The following SLC25A18 variants were observed in gnomAD, a reference collection of about 807,000 sequenced individuals.
SLC25A18 encodes the protein mitochondrial glutamate carrier 2.
In SLC25A18, 24 loss-of-function variants were observed where a neutral mutation model predicts 31.1. The observed-to-expected ratio is 0.77, with a 90% CI of 0.56 to 1.08. The LOEUF is 1.08. Ranked by LOEUF, SLC25A18 falls within the 50% of genes least tolerant of loss-of-function variation. The probability of loss-of-function intolerance (pLI) is 0.00; values close to 1 mark genes in which losing one functional copy is unlikely to be tolerated. For missense variants in SLC25A18, 371 were observed against 418.5 expected, an observed-to-expected ratio of 0.89 and a Z score of 0.99; for synonymous variants, 173 against 161.9, an observed-to-expected ratio of 1.07 and a Z score of -0.52.
intron 1 of SLC25A18, among the ~76,000 whole-genome samples, chr22:17,566,416 C>CTTT (rs756780407): frequency 2.0e-5 from 3 of 147,226 alleles, no homozygotes; most frequent in Admixed American, 2.0e-4. Context: ...CTGTCATTTT[C>CTTT]TTTTTTTTTT....
At chr22:17,582,443 C>T in intron 5 of SLC25A18, 120 bp from the exon 6 acceptor site, 1 of 662,490 alleles carries the variant, frequency 1.5e-6, no homozygotes, top group Admixed American at 3.2e-5. Flanking sequence ...CTCAGGAGCC[C>T]CACCTGGCCC....
At chr22:17,566,359 A>G (rs1416120516) in intron 1 of SLC25A18, among the ~76,000 whole-genome samples, 1 of 150,930 alleles carries the variant, frequency 6.6e-6, no homozygotes, top group Non-Finnish European at 1.5e-5. Context: ...CAAGCCCTGT[A>G]TAATCTTCAC....
chr22:17,582,930 C>A (rs745373275), intron 6 of SLC25A18, among the ~76,000 whole-genome samples: 2 of 152,174 alleles, frequency 1.3e-5, no homozygotes, highest in Non-Finnish European at 2.9e-5. Flanking sequence ...AGCCACCAAG[C>A]TGGCTGCAGT....
intron 1 of SLC25A18, among the ~76,000 whole-genome samples, chr22:17,568,401 A>C (rs545374389): frequency 1.3e-5 from 2 of 151,434 alleles, no homozygotes; most frequent in South Asian, 4.2e-4. Context: ...GAATAAAGGA[A>C]GGAGGAAGGA....
At chr22:17,571,137 C>G (rs1026477852) in intron 2 of SLC25A18, among the ~76,000 whole-genome samples, 2 of 152,198 alleles carry the variant, frequency 1.3e-5, no homozygotes, top group African/African-American at 4.8e-5. Flanking sequence ...GGGAGCCTGT[C>G]CCGAGAGCCG....
chr22:17,572,807 A>C (rs2057131725), intron 2 of SLC25A18, among the ~76,000 whole-genome samples: 1 of 150,256 alleles, frequency 6.7e-6, no homozygotes, highest in South Asian at 2.1e-4. Context: ...ACGCCCGGCT[A>C]ATTTTTTGTA....
At position 17,579,833 on chromosome 22, in the gene SLC25A18, T is replaced by A. The variant is rs1250472291; in HGVS notation, c.-112T>A. 5.3e-6 allele frequency: 8 copies of A among 1,507,456 alleles called. No homozygotes were observed. In the South Asian group the frequency reaches 1.0e-4, roughly 20 times the overall value. 93.4% of individuals were successfully genotyped at this position (1,507,456 alleles called of 1,614,324 possible). On this transcript the variant is annotated 5_prime_UTR_variant, in exon 3 of 11. Coordinates refer to ENST00000327451, the MANE Select transcript of SLC25A18 (RefSeq NM_031481.3). Reference sequence around the variant, plus strand: ...CTCAAAACCCGTGCTCTGTCCACACTGCTACGGGGCCAGAGCCAAGGAAGC... The same window carrying A: ...CTCAAAACCCGTGCTCTGTCCACACAGCTACGGGGCCAGAGCCAAGGAAGC...
chr22:17,574,610 G>A lies in SLC25A18; in HGVS notation c.-201+4624G>A, dbSNP rs372580151. 6.8e-4 allele frequency among the ~76,000 whole-genome samples: 99 copies of A among 145,458 alleles called. 2 individuals carry two copies. Among genetic ancestry groups the A allele is most frequent in the East Asian group, 1.9e-3 (9 of 4,766 alleles). On this transcript the variant is annotated intron_variant, in intron 2 of 10. Coordinates refer to ENST00000327451, the MANE Select transcript of SLC25A18 (RefSeq NM_031481.3). ...CGGCTCACTGCAATCACCACCTCCC[G>A]GGTTCAAGCGATTCTCCTGCGTCAG... is the stretch of plus-strand genomic sequence containing the variant.
chr22:17,586,888 A>G (rs1285029750), intron 7 of SLC25A18, among the ~76,000 whole-genome samples: 1 of 152,238 alleles, frequency 6.6e-6, no homozygotes, highest in Non-Finnish European at 1.5e-5. Context: ...CAAGCGGGCC[A>G]GGCTGTGGCT....
At chr22:17,570,380 A>AGTC (rs2057054489) in intron 2 of SLC25A18, 1 of 152,294 alleles carries the variant, frequency 6.6e-6, no homozygotes, top group Non-Finnish European at 1.5e-5. Flanking sequence ...TGGAGCCAGC[A>AGTC]GTCTCGTGAC....
intron 1 of SLC25A18, among the ~76,000 whole-genome samples, chr22:17,569,326 A>C (rs1027097966): frequency 6.6e-6 from 1 of 152,142 alleles, no homozygotes; most frequent in African/African-American, 2.4e-5. Context: ...TGCTTTTTAC[A>C]CTTGTAACAT....
At chr22:17,585,650 A>ATT (rs143835144) in intron 7 of SLC25A18, among the ~76,000 whole-genome samples, 1,617 of 137,156 alleles carry the variant, frequency 0.012, 51 homozygotes, top group African/African-American at 0.042. Flanking sequence ...TATTATTATT[A>ATT]TTTTTTTTTT....
At chr22:17,581,290 G>T in intron 4 of SLC25A18, 68 bp from the exon 5 acceptor site, 9 of 1,604,246 alleles carry the variant, frequency 5.6e-6, no homozygotes, top group Non-Finnish European at 7.7e-6. Flanking sequence ...TGTGCCCGCG[G>T]GAGCAGGGCA....
intron 6 of SLC25A18, 24 bp from the exon 7 acceptor site, chr22:17,583,392 G>A: frequency 1.9e-6 from 3 of 1,613,622 alleles, no homozygotes; most frequent in Non-Finnish European, 2.5e-6. Context: ...TGCGGCTGAA[G>A]GAGCCTGACG....
intron 1 of SLC25A18, among the ~76,000 whole-genome samples, chr22:17,563,937 A>G (rs7293105): frequency 0.018 from 2,689 of 152,256 alleles, 80 homozygotes; most frequent in African/African-American, 0.061. Context: ...CTGCCATGCA[A>G]TCGTACCGGG....
At chr22:17,587,103 A>C (rs1246001152) in intron 7 of SLC25A18, 33 bp from the exon 8 acceptor site, 1 of 1,607,398 alleles carries the variant, frequency 6.2e-7, no homozygotes, top group Non-Finnish European at 8.5e-7. Context: ...TCTGTTGGGG[A>C]CCAGGTACTG....
chr22:17,569,348 G>C (rs890158911), intron 1 of SLC25A18, among the ~76,000 whole-genome samples: 5 of 152,146 alleles, frequency 3.3e-5, no homozygotes, highest in African/African-American at 1.2e-4. Flanking sequence ...CTTAAGCATT[G>C]AGAATGTGCC....
Position 17,574,445 on chromosome 22 carries a change from G to A in SLC25A18, c.-201+4459G>A, listed in dbSNP as rs534084643. Among the ~76,000 whole-genome samples the A allele has an allele frequency of 1.1e-3, 160 of 151,572 alleles. 2 individuals carry two copies. The highest frequency in any genetic ancestry group is 4.9e-3 in the Admixed American group (75 of 15,220). On this transcript the variant is annotated intron_variant, in intron 2 of 10. Coordinates refer to ENST00000327451, the MANE Select transcript of SLC25A18 (RefSeq NM_031481.3). The stretch of plus-strand genomic sequence containing the variant: ...CACAGTTCTGTTCCCTGAACCCTCT[G>A]CTCACACCAAGCCCACATCCAGGGT...
intron 2 of SLC25A18, among the ~76,000 whole-genome samples, chr22:17,574,528 T>A (rs1449066451): frequency 1.6e-4 from 24 of 151,442 alleles, no homozygotes; most frequent in Middle Eastern, 3.4e-3. Context: ...TTTTTATTTT[T>A]TTTTTTGAGA....
Sources: gnomAD v4.1 joint callset for allele counts (sites outside exome capture counted in the v4.1 genomes callset) on GRCh38, gnomAD v4.1.1 for gene constraint, MANE v1.5 for transcripts, NCBI Gene and HGNC (gene_info 2026-07-23, HGNC 2026-07-21) for gene names.